The following PDS5B variants were observed in gnomAD, a reference collection of about 807,000 sequenced individuals.
The protein encoded by PDS5B is sister chromatid cohesion protein PDS5 homolog B.
A neutral mutation model predicts 184.1 loss-of-function variants in PDS5B; 51 were observed. The ratio of observed to expected loss-of-function variants is 0.28; its 90% CI spans 0.22 to 0.35. PDS5B has a LOEUF of 0.35. PDS5B is among the 10% of genes least tolerant of loss of function. PDS5B has a pLI of 1.00. For synonymous variants in PDS5B, 566 were observed against 569.2 expected (o/e 0.99, Z 0.08); for missense variants, 1,180 against 1,723.3 (o/e 0.68, Z 5.58).
chr13:32,646,111 A>G (rs1950215842), intron 1 of PDS5B, among the ~76,000 whole-genome samples: 2 of 151,904 alleles, frequency 1.3e-5, no homozygotes, highest in African/African-American at 4.8e-5. Flanking sequence ...CTTAAGCAGG[A>G]CTTCCACCTC....
chr13:32,759,248 C>CT (rs1954292919), intron 28 of PDS5B, among the ~76,000 whole-genome samples: 1 of 152,104 alleles, frequency 6.6e-6, no homozygotes, highest in African/African-American at 2.4e-5. Flanking sequence ...CCAGTTAAGA[C>CT]CTTACCAGTG....
intron 29 of PDS5B, among the ~76,000 whole-genome samples, chr13:32,760,038 C>G (rs1954320804): frequency 6.6e-6 from 1 of 152,058 alleles, no homozygotes; most frequent in Admixed American, 6.5e-5. Flanking sequence ...TCACTGCAAG[C>G]TCCGCCTCCT....
intron 33 of PDS5B, chr13:32,771,050 C>T (rs1376605067): frequency 3.7e-6 from 1 of 269,608 alleles, no homozygotes; most frequent in Non-Finnish European, 6.9e-6. Context: ...AAATAATCAC[C>T]ACACATTGAC....
At chr13:32,719,951 T>A (rs1396412121) in intron 19 of PDS5B, among the ~76,000 whole-genome samples, 1 of 151,946 alleles carries the variant, frequency 6.6e-6, no homozygotes, top group Non-Finnish European at 1.5e-5. Flanking sequence ...CCACCACCCC[T>A]GGCAATTTTT....
At chr13:32,733,280 C>G (rs7319275) in intron 20 of PDS5B, among the ~76,000 whole-genome samples, 2 of 151,838 alleles carry the variant, frequency 1.3e-5, no homozygotes, top group Non-Finnish European at 2.9e-5. Context: ...TAGTCCTCCT[C>G]CTATGTAGCA....
intron 9 of PDS5B, among the ~76,000 whole-genome samples, chr13:32,678,220 C>G (rs1351937442): frequency 6.6e-6 from 1 of 152,158 alleles, no homozygotes; most frequent in Non-Finnish European, 1.5e-5. Flanking sequence ...AGATTTGAGG[C>G]TTAAGTGACA....
intron 15 of PDS5B, 71 bp from the exon 16 acceptor site, chr13:32,699,659 A>C: frequency 3.5e-6 from 3 of 852,268 alleles, no homozygotes; most frequent in East Asian, 6.6e-5. Flanking sequence ...AAAGGAATGA[A>C]AAATATTGAC....
At position 32,776,834 on chromosome 13, in the gene PDS5B, T is replaced by C. The variant is rs541628486; in HGVS notation, c.*1782T>C. On this transcript the variant is annotated 3_prime_UTR_variant, in exon 35 of 35. Coordinates refer to ENST00000315596, the MANE Select transcript of PDS5B (RefSeq NM_015032.4). ...TTTGTGTTTATGAAACAGCCATTTA[T>C]TTTTTAAAAAGTGTTTTGAATTGTG... 6.6e-6 allele frequency: 1 copy of C among 152,624 alleles called. No homozygotes were observed. Among genetic ancestry groups the C allele is most frequent in the African/African-American group, 2.4e-5 (1 of 41,576 alleles). The allele number at this position is 152,624 out of a possible 1,614,324, so 9.5% of individuals were successfully genotyped here. A position where few individuals can be genotyped will look rare whatever the true frequency, so the allele number is the denominator to read the frequency against.
chr13:32,724,153 G>C (rs567507553), intron 19 of PDS5B, among the ~76,000 whole-genome samples: 2 of 152,202 alleles, frequency 1.3e-5, no homozygotes, highest in Admixed American at 1.3e-4. Context: ...GTCTTGGTCT[G>C]TTGCCCAGAC....
At chr13:32,751,859 T>G (rs567117256) in intron 24 of PDS5B, among the ~76,000 whole-genome samples, 1 of 152,218 alleles carries the variant, frequency 6.6e-6, no homozygotes, top group Non-Finnish European at 1.5e-5. Flanking sequence ...CTCTTTAGTT[T>G]AGACTACTTC....
chr13:32,709,799 A>C, intron 18 of PDS5B, 147 bp from the exon 19 acceptor site: 1 of 404,626 alleles, frequency 2.5e-6, no homozygotes, highest in Non-Finnish European at 4.3e-6. Flanking sequence ...GTATGTTTTA[A>C]ATTTTATTTA....
intron 25 of PDS5B, 36 bp from the exon 26 acceptor site, chr13:32,755,806 G>C: frequency 2.1e-6 from 2 of 967,692 alleles, no homozygotes; most frequent in Non-Finnish European, 3.0e-6. Flanking sequence ...TTTTTCTTTT[G>C]TTTTTTTTTG....
chr13:32,656,275 T>TC (rs1315120236), intron 3 of PDS5B, among the ~76,000 whole-genome samples: 18 of 135,330 alleles, frequency 1.3e-4, no homozygotes, highest in South Asian at 4.4e-4. Flanking sequence ...TCCAGCTTCT[T>TC]TTTTTTTTTT....
At chr13:32,612,517 C>T (rs1023161178) in intron 1 of PDS5B, among the ~76,000 whole-genome samples, 1 of 152,096 alleles carries the variant, frequency 6.6e-6, no homozygotes, top group Admixed American at 6.6e-5. Flanking sequence ...TTTCATTACC[C>T]TCAAAAGAAA....
chr13:32,769,718 C>T (rs1024771848), intron 31 of PDS5B, among the ~76,000 whole-genome samples: 18 of 152,074 alleles, frequency 1.2e-4, no homozygotes, highest in Admixed American at 7.2e-4. Flanking sequence ...TTATGTCTTA[C>T]GCACTATGTG....
intron 30 of PDS5B, among the ~76,000 whole-genome samples, chr13:32,762,568 C>G (rs940764577): frequency 1.2e-4 from 18 of 152,072 alleles, no homozygotes; most frequent in African/African-American, 4.1e-4. Context: ...ACATTTCCAT[C>G]AACTCATTTT....
rs757156986 is a variant in PDS5B, at chr13:32,706,914, CTT to C, written c.1857-15_1857-14del. ...TTGCTAGTAACATTTGAAAAAATGACTTTTTTGGTCATATTTTAGTGCTCTTA... is the reference window on the plus strand; with the variant it reads ...TTGCTAGTAACATTTGAAAAAATGACTTTTGGTCATATTTTAGTGCTCTTA... On this transcript the variant is annotated intron_variant, in intron 17 of 34. Coordinates refer to ENST00000315596, the MANE Select transcript of PDS5B (RefSeq NM_015032.4). 7 of 1,512,454 alleles carry C rather than the reference CTT, an allele frequency of 4.6e-6. No homozygotes were observed. Among genetic ancestry groups the C allele is most frequent in the African/African-American group, 2.8e-5 (2 of 72,592 alleles). The allele number at this position is 1,512,454 out of a possible 1,614,324, so 93.7% of individuals were successfully genotyped here.
chr13:32,747,905 CATTAGGTAA>C (rs1320771746), intron 24 of PDS5B, among the ~76,000 whole-genome samples: 3 of 152,130 alleles, frequency 2.0e-5, no homozygotes, highest in South Asian at 4.1e-4. Context: ...ATGTGCCAGC[CATTAGGTAA>C]ATGTCCACTC....
In PDS5B at chr13:32,601,220, T is replaced by C. The variant is rs545732311; in HGVS notation, c.-20+14627T>C. Reference sequence around the variant, plus strand: ...AGTCATTCTTTAAAAGTATTTTTTTTCCCAGGGTTTATAATTGCTATTTGT... The same window carrying C: ...AGTCATTCTTTAAAAGTATTTTTTTCCCCAGGGTTTATAATTGCTATTTGT... On this transcript the variant is annotated intron_variant, in intron 1 of 34. Coordinates refer to ENST00000315596, the MANE Select transcript of PDS5B (RefSeq NM_015032.4). 1.7e-4 allele frequency among the ~76,000 whole-genome samples: 26 copies of C among 152,356 alleles called. 1 individual carries two copies. In the South Asian group the frequency reaches 2.3e-3, roughly 13 times the overall value.
Sources: allele counts gnomAD v4.1 joint callset (sites outside exome capture counted in the v4.1 genomes callset), GRCh38; gene constraint gnomAD v4.1.1; transcripts MANE v1.5; gene names NCBI Gene and HGNC (gene_info 2026-07-23, HGNC 2026-07-21).